Variants in RAB27B observed in about 807,000 individuals in gnomAD.
RAB27B encodes RAB27B, member RAS oncogene family, also known as ras-related protein Rab-27B.
A neutral mutation model predicts 24.6 loss-of-function variants in RAB27B; 15 were observed. The ratio of observed to expected loss-of-function variants is 0.61; its 90% CI spans 0.41 to 0.94. The LOEUF (loss-of-function observed/expected upper bound fraction) is 0.94. Among genes scored for constraint, RAB27B ranks in the 40% least tolerant of loss-of-function variants. The pLI, the probability that RAB27B is intolerant of heterozygous loss-of-function variation, is 0.00. For synonymous variants in RAB27B, 105 were observed against 92.5 expected (o/e 1.14, Z -0.78); for missense variants, 261 against 266.8 (o/e 0.98, Z 0.15).
chr18:54,873,532 T>A (rs1289667415), intron 1 of RAB27B, among the ~76,000 whole-genome samples: 1 of 152,168 alleles, frequency 6.6e-6, no homozygotes, highest in East Asian at 1.9e-4. Context: ...CCCACATCAT[T>A]TTTTTTAGCC....
chr18:54,728,053 A>AG (rs150223757), intron 2 of RAB27B, among the ~76,000 whole-genome samples: 2,094 of 152,320 alleles, frequency 0.014, 55 homozygotes, highest in African/African-American at 0.047. Context: ...CACGAAAGCC[A>AG]GAAATAGAGG....
At chr18:54,755,100 T>C (rs757721529) in intron 2 of RAB27B, among the ~76,000 whole-genome samples, 1 of 152,166 alleles carries the variant, frequency 6.6e-6, no homozygotes, top group Non-Finnish European at 1.5e-5. Context: ...TTTAAACATG[T>C]CACTTAAGGC....
rs372339725 is a variant in RAB27B at position 54,886,241 on chromosome 18, T to A, written c.344-1754T>A. 7.4e-4 allele frequency among the ~76,000 whole-genome samples: 112 copies of A among 152,306 alleles called. No homozygotes were observed. The South Asian group carries it at 0.017, about 23-fold the overall frequency. On this transcript the variant is annotated intron_variant, in intron 4 of 5. Transcript: ENST00000262094. ...AGTTCATTCAGTCCCAGCCATCACC[T>A]GACATGATGTGATGTATTTTTGGTT...
intron 1 of RAB27B, among the ~76,000 whole-genome samples, chr18:54,841,506 G>C (rs1478887204): frequency 6.6e-6 from 1 of 152,176 alleles, no homozygotes; most frequent in Non-Finnish European, 1.5e-5. Context: ...TGAACACTGA[G>C]AAACTACTGT....
chr18:54,773,890 G>A (rs1218399443), intron 2 of RAB27B, among the ~76,000 whole-genome samples: 1 of 152,034 alleles, frequency 6.6e-6, no homozygotes, highest in Non-Finnish European at 1.5e-5. Context: ...ACCAAGGCCA[G>A]GCTGGTCTTG....
chr18:54,797,460 G>A lies in RAB27B; in HGVS notation c.-20+79319G>A, dbSNP rs560072110. Among the ~76,000 whole-genome samples the A allele has an allele frequency of 5.9e-5, 9 of 152,310 alleles. No individual in the cohort carries two copies. The South Asian group carries it at 1.7e-3, about 28-fold the overall frequency. ...GACCCTGGGAGGTGGAGGTTGCAGT[G>A]AGCTGAGATTGCACCACTGCACTCC... On this transcript the variant is annotated intron_variant, in intron 2 of 4. Transcript: ENST00000586570.
intron 2 of RAB27B, among the ~76,000 whole-genome samples, chr18:54,811,546 G>A (rs979554771): frequency 2.0e-5 from 3 of 152,086 alleles, no homozygotes; most frequent in African/African-American, 4.8e-5. Flanking sequence ...AGTCACTTAC[G>A]CTTTAGTCTG....
At chr18:54,840,666 A>C (rs1911072426) in intron 1 of RAB27B, among the ~76,000 whole-genome samples, 1 of 152,198 alleles carries the variant, frequency 6.6e-6, no homozygotes, top group Non-Finnish European at 1.5e-5. Flanking sequence ...CATAGTTCTG[A>C]AAATATGGTC....
chr18:54,759,319 G>A (rs909448205), intron 2 of RAB27B, among the ~76,000 whole-genome samples: 1 of 152,046 alleles, frequency 6.6e-6, no homozygotes, highest in African/African-American at 2.4e-5. Flanking sequence ...CACACTTTGG[G>A]TATTTCTCTT....
chr18:54,804,982 T>G (rs1176292631), intron 2 of RAB27B, among the ~76,000 whole-genome samples: 1 of 64,838 alleles, frequency 1.5e-5, no homozygotes, highest in Non-Finnish European at 3.8e-5. Flanking sequence ...CTGCCTTCCT[T>G]CCTTTTTTTT....
At chr18:54,801,824 A>T (rs568461922) in intron 2 of RAB27B, among the ~76,000 whole-genome samples, 1 of 152,296 alleles carries the variant, frequency 6.6e-6, no homozygotes, top group Non-Finnish European at 1.5e-5. Flanking sequence ...AAACCTGTGG[A>T]TGATATGGGC....
rs1248217294 is a variant in RAB27B, at chr18:54,874,784, C to A, written c.-19-2783C>A. On this transcript the variant is annotated intron_variant, in intron 1 of 5. Transcript: ENST00000262094. ...AATAAATTTAAGCACTTTCTTTTTT[C>A]TGAAAATTAACAGTTTCATCCAATT... is the stretch of plus-strand genomic sequence containing the variant. Among the ~76,000 whole-genome samples, 3 of 152,144 alleles carry A rather than the reference C, an allele frequency of 2.0e-5. No individual in the cohort carries two copies. The East Asian group carries it at 5.8e-4, about 29-fold the overall frequency.
At chr18:54,801,016 T>TGTC (rs200778666) in intron 2 of RAB27B, among the ~76,000 whole-genome samples, 1 of 143,550 alleles carries the variant, frequency 7.0e-6, no homozygotes, top group African/African-American at 2.6e-5. Flanking sequence ...GTGTTTTTTT[T>TGTC]TTTTTTTTTT....
At chr18:54,825,475 A>AT (rs904440583), upstream of RAB27B, among the ~76,000 whole-genome samples, 5 of 151,040 alleles carry the variant, frequency 3.3e-5, no homozygotes, top group Admixed American at 3.3e-4. Flanking sequence ...ATTAGTCAGA[A>AT]TTTTTTTCCA....
chr18:54,840,672 T>C (rs868655293), intron 1 of RAB27B, among the ~76,000 whole-genome samples: 3 of 152,182 alleles, frequency 2.0e-5, no homozygotes, highest in African/African-American at 4.8e-5. Flanking sequence ...TCTGAAAATA[T>C]GGTCACTATC....
In RAB27B at chr18:54,892,055, G is replaced by T. The variant is rs1437918302; in HGVS notation, c.*2642G>T. On this transcript the variant is annotated 3_prime_UTR_variant, in exon 6 of 6. Coordinates refer to ENST00000262094, the MANE Select transcript of RAB27B (RefSeq NM_004163.4). ...TTTTACAATTTCAAATTGTTCTGGT[G>T]CCATAAAGTATACAGACTACTTTAA... 1 of 151,948 alleles carries T rather than the reference G, an allele frequency of 6.6e-6. No individual in the cohort carries two copies. The highest frequency in any genetic ancestry group is 1.5e-5 in the Non-Finnish European group (1 of 67,964). The allele number at this position is 151,948 out of a possible 1,614,324, so 9.4% of individuals were successfully genotyped here.
At chr18:54,770,680 C>T (rs7242011) in intron 2 of RAB27B, among the ~76,000 whole-genome samples, 78,357 of 151,776 alleles carry the variant, frequency 0.52, 21,552 homozygotes, top group Middle Eastern at 0.63. Flanking sequence ...CCAAAAATTT[C>T]GGGGACCGCT....
intron 2 of RAB27B, among the ~76,000 whole-genome samples, chr18:54,793,908 A>G (rs2145116853): frequency 6.6e-6 from 1 of 152,264 alleles, no homozygotes; most frequent in South Asian, 2.1e-4. Context: ...CATTTATTCT[A>G]TTTACTGCAT....
chr18:54,858,376 T>C (rs532753353), intron 1 of RAB27B, among the ~76,000 whole-genome samples: 1 of 20,604 alleles, frequency 4.9e-5, no homozygotes, highest in Non-Finnish European at 3.0e-4. Flanking sequence ...GCAGGAAAAC[T>C]GTTTTTTTTT....
Sources: gnomAD v4.1 joint callset for allele counts (sites outside exome capture counted in the v4.1 genomes callset) on GRCh38, gnomAD v4.1.1 for gene constraint, MANE v1.5 for transcripts, NCBI Gene and HGNC (gene_info 2026-07-23, HGNC 2026-07-21) for gene names.